SCARB1: variants seen among roughly 807,000 people sequenced by gnomAD.
The protein encoded by SCARB1 is CD36 and LIMPII analogous 1.
In SCARB1, 30 loss-of-function variants were observed where a neutral mutation model predicts 57.2. The observed-to-expected ratio is 0.52, with a 90% CI of 0.39 to 0.71. The LOEUF (loss-of-function observed/expected upper bound fraction) is 0.71, where lower values mean the gene tolerates loss of function less well. SCARB1 is among the 30% of genes least tolerant of loss of function. The probability of loss-of-function intolerance (pLI) is 0.00; values close to 1 mark genes in which losing one functional copy is unlikely to be tolerated. For synonymous variants in SCARB1, 249 were observed against 268.3 expected (o/e 0.93, Z 0.70); for missense variants, 543 against 671.2 (o/e 0.81, Z 2.11).
At chr12:124,830,710 C>T (rs1310785777) in intron 1 of SCARB1, among the ~76,000 whole-genome samples, 1 of 152,090 alleles carries the variant, frequency 6.6e-6, no homozygotes, top group African/African-American at 2.4e-5. Flanking sequence ...TCATTACAAG[C>T]GTGCATACCT....
intron 9 of SCARB1, among the ~76,000 whole-genome samples, chr12:124,794,761 T>C (rs972211522): frequency 6.6e-6 from 1 of 152,046 alleles, no homozygotes; most frequent in Non-Finnish European, 1.5e-5. Flanking sequence ...TGAAACCCCA[T>C]CTCTACTAAA....
In SCARB1 at chr12:124,778,551, G is replaced by A. The variant is rs370272450; in HGVS notation, c.*36C>T. On this transcript the variant is annotated 3_prime_UTR_variant, in exon 13 of 13. Coordinates refer to ENST00000261693, the MANE Select transcript of SCARB1 (RefSeq NM_005505.5). ...GGCTGGGGGGCCGGTCAGGCCCAGC[G>A]GCCAGGCCTGGCTGGCTCACGGTGT... 45 of 1,385,116 alleles carry A rather than the reference G, an allele frequency of 3.2e-5. No individual in the cohort carries two copies. In the East Asian group the frequency reaches 5.2e-4, roughly 16 times the overall value. 85.8% of individuals were successfully genotyped at this position (1,385,116 alleles called of 1,614,324 possible). A position where few individuals can be genotyped will look rare whatever the true frequency, so the allele number is the denominator to read the frequency against.
chr12:124,779,612 T>C (rs975708777), intron 12 of SCARB1, among the ~76,000 whole-genome samples: 2 of 152,158 alleles, frequency 1.3e-5, no homozygotes, highest in South Asian at 4.1e-4. Context: ...TTTGTCTAGT[T>C]TGACAGTTGT....
chr12:124,788,726 G>C (rs1949613841), intron 9 of SCARB1, among the ~76,000 whole-genome samples: 1 of 152,182 alleles, frequency 6.6e-6, no homozygotes, highest in African/African-American at 2.4e-5. Context: ...AGCCACAACT[G>C]TTGAGTTTAC....
intron 1 of SCARB1, among the ~76,000 whole-genome samples, chr12:124,837,468 A>G (rs796742219): frequency 0.012 from 1,495 of 121,420 alleles, 51 homozygotes; most frequent in African/African-American, 0.052. Flanking sequence ...GGAAAGAAAG[A>G]AAGAAAGGAA....
rs770255962 is a variant in SCARB1, at chr12:124,800,007, A to C, written c.1128+117T>G. The C allele has an allele frequency of 4.9e-5, 39 of 802,940 alleles. No individual in the cohort carries two copies. The highest frequency in any genetic ancestry group is 9.1e-5 in the Admixed American group (5 of 55,048). 49.7% of individuals were successfully genotyped at this position (802,940 alleles called of 1,614,324 possible). A position where few individuals can be genotyped will look rare whatever the true frequency, so the allele number is the denominator to read the frequency against. On this transcript the variant is annotated intron_variant, in intron 8 of 12. Transcript: ENST00000261693. This position sits in a 1 kb window ranked among gnomAD's most constrained non-coding sequence, Gnocchi z 4.8. ...AACTTTGGTGGCTCGAGATTCTAGA[A>C]GCCAGGCTTCCCACCACCCCAGCCC...
At chr12:124,788,389 G>A (rs943897672) in intron 9 of SCARB1, among the ~76,000 whole-genome samples, 1 of 152,210 alleles carries the variant, frequency 6.6e-6, no homozygotes, top group Non-Finnish European at 1.5e-5. Context: ...GAGGCTCTGT[G>A]ACCAAGTTCT....
chr12:124,825,077 T>G (rs1405974973), intron 1 of SCARB1, among the ~76,000 whole-genome samples: 3 of 151,702 alleles, frequency 2.0e-5, no homozygotes, highest in Non-Finnish European at 2.9e-5. Flanking sequence ...ACAAAAAAAT[T>G]AGCCAGGCGT....
chr12:124,795,471 C>T (rs1023114620), intron 8 of SCARB1, among the ~76,000 whole-genome samples: 1 of 152,172 alleles, frequency 6.6e-6, no homozygotes, highest in Non-Finnish European at 1.5e-5. Context: ...CTGGGATCTC[C>T]TCTCCTGATT....
rs371696449 is a variant in SCARB1, at chr12:124,807,888, T to G, written c.882A>C (p.Glu294Asp). The change falls in exon 7 of 13, where the codon GAA becomes GAC. Residue 294 changes from glutamate (E) to aspartate (D), a missense_variant. Glu to Asp is a conservative substitution (Grantham distance 45). Coordinates refer to ENST00000261693, the MANE Select transcript of SCARB1 (RefSeq NM_005505.5). This position sits in a 1 kb window ranked among gnomAD's most constrained non-coding sequence, Gnocchi z 5.3. Reference sequence around the variant, plus strand: ...CCACGAAGCGATAGGTGGGGATGCCTTCAAACACCCCTGACTCCTTGTACA... The same window carrying G: ...CCACGAAGCGATAGGTGGGGATGCCGTCAAACACCCCTGACTCCTTGTACA... ...KLMYKESGVF[E>D]GIPTYRFVAP... 1.9e-6 allele frequency: 3 copies of G among 1,613,990 alleles called. No homozygotes were observed. The highest frequency in any genetic ancestry group is 2.5e-6 in the Non-Finnish European group (3 of 1,180,008).
chr12:124,859,794 A>C (rs1424820734), intron 1 of SCARB1, among the ~76,000 whole-genome samples: 1 of 152,160 alleles, frequency 6.6e-6, no homozygotes, highest in African/African-American at 2.4e-5. Flanking sequence ...ACATAGTGAG[A>C]CCTTGTCTCT....
rs147605008 is a variant in SCARB1 at position 124,801,114 on chromosome 12, G to A, written c.1010-872C>T. Reference sequence around the variant, plus strand: ...CTCAGGAGGCTGAGGCAGGAAAATCGCTTGAGCCTCAGAGGTTGAGGCTAC... The same window carrying A: ...CTCAGGAGGCTGAGGCAGGAAAATCACTTGAGCCTCAGAGGTTGAGGCTAC... On this transcript the variant is annotated intron_variant, in intron 7 of 12. Transcript: ENST00000261693. Among the ~76,000 whole-genome samples the A allele has an allele frequency of 1.7e-3, 258 of 152,302 alleles. 2 individuals are homozygous for A. Among genetic ancestry groups the A allele is most frequent in the African/African-American group, 5.5e-3 (230 of 41,564 alleles).
intron 1 of SCARB1, among the ~76,000 whole-genome samples, chr12:124,852,818 A>T (rs763597822): frequency 2.0e-5 from 3 of 152,244 alleles, no homozygotes; most frequent in Non-Finnish European, 4.4e-5. Context: ...AGACAGGTGG[A>T]TCACCTGAGG....
intron 1 of SCARB1, among the ~76,000 whole-genome samples, chr12:124,846,401 G>A (rs1952154682): frequency 6.6e-6 from 1 of 152,088 alleles, no homozygotes; most frequent in African/African-American, 2.4e-5. Context: ...CTTGCAGGCA[G>A]GGACACGAGT....
chr12:124,856,736 G>A lies in SCARB1; in HGVS notation c.126+6859C>T, dbSNP rs1952647214. On this transcript the variant is annotated intron_variant, in intron 1 of 12. Coordinates refer to ENST00000261693, the MANE Select transcript of SCARB1 (RefSeq NM_005505.5). Reference sequence around the variant, plus strand: ...AACGCCCGGTAGGTGGAGACACTGGGCCTCCCCCCCAGGTTCCGCAGGGGG... The same window carrying A: ...AACGCCCGGTAGGTGGAGACACTGGACCTCCCCCCCAGGTTCCGCAGGGGG... 1.3e-5 allele frequency among the ~76,000 whole-genome samples: 2 copies of A among 152,170 alleles called. 1 individual carries two copies. Among genetic ancestry groups the A allele is most frequent in the African/African-American group, 4.8e-5 (2 of 41,440 alleles).
rs1031649247 is a variant in SCARB1 at position 124,800,432 on chromosome 12, G to A, written c.1010-190C>T. Among the ~76,000 whole-genome samples the A allele has an allele frequency of 4.6e-5, 7 of 152,250 alleles. No homozygotes were observed. Among genetic ancestry groups the A allele is most frequent in the African/African-American group, 1.4e-4 (6 of 41,462 alleles). ...CCCTGTGATGAGGGACAAGCTCTGC[G>A]CCAGAGAAGGGGTGAGGCAGGAGCC... On this transcript the variant is annotated intron_variant, in intron 7 of 12. Coordinates refer to ENST00000261693, the MANE Select transcript of SCARB1 (RefSeq NM_005505.5). This position sits in a 1 kb window ranked among gnomAD's most constrained non-coding sequence, Gnocchi z 4.8.
intron 1 of SCARB1, among the ~76,000 whole-genome samples, chr12:124,820,839 T>C (rs1950929552): frequency 6.6e-6 from 1 of 152,152 alleles, no homozygotes; most frequent in Non-Finnish European, 1.5e-5. Flanking sequence ...AGCACCTGGA[T>C]CTCAGGGGCG....
chr12:124,801,754 A>T (rs1950138175), intron 7 of SCARB1, among the ~76,000 whole-genome samples: 1 of 151,916 alleles, frequency 6.6e-6, no homozygotes, highest in South Asian at 2.1e-4. Context: ...GCATCACTGC[A>T]CTCCAGCCTG....
intron 1 of SCARB1, among the ~76,000 whole-genome samples, chr12:124,823,500 G>A (rs1398450288): frequency 1.3e-5 from 2 of 152,268 alleles, no homozygotes; most frequent in Non-Finnish European, 2.9e-5. Context: ...GCAAGGGTGT[G>A]GGAACTGGAA....
Sources: allele counts gnomAD v4.1 joint callset (sites outside exome capture counted in the v4.1 genomes callset), GRCh38; gene constraint gnomAD v4.1.1; non-coding constraint Gnocchi (gnomAD v3.1); transcripts MANE v1.5; gene names NCBI Gene and HGNC (gene_info 2026-07-23, HGNC 2026-07-21).